HMGB4: variants seen among roughly 807,000 people sequenced by gnomAD.
HMGB4 encodes the protein high mobility group box 4.
For synonymous variants in HMGB4, 82 were observed against 84.9 expected (o/e 0.97, Z 0.19); for missense variants, 217 against 220.4 (o/e 0.98, Z 0.10).
At chr1:33,863,145 G>C (rs374202941), upstream of HMGB4, 7 of 152,038 alleles carry the variant, frequency 4.6e-5, no homozygotes, top group African/African-American at 1.7e-4. Flanking sequence ...ATAAATTTGG[G>C]GCTATCATCA....
Position 33,864,566 on chromosome 1 carries a change from G to A in HMGB4, c.375G>A (p.Lys125=). ...ACTGGTCGGTGGTGCAGGTGGCCAA[G>A]GCCACAGGGAAGATGTGGTCAACAG... ...NPNWSVVQVA[K]ATGKMWSTAT... is the part of the protein sequence containing the mutation. Residue 125 remains lysine, a synonymous_variant, in exon 1 of 1, where the codon AAG becomes AAA. Transcript: ENST00000681531. 1 of 1,614,054 alleles carries A rather than the reference G, an allele frequency of 6.2e-7. No individual in the cohort carries two copies. The highest frequency in any genetic ancestry group is 1.3e-5 in the African/African-American group (1 of 75,048).
In HMGB4 at chr1:33,864,488, C is replaced by A. The variant is rs773993387; in HGVS notation, c.297C>A (p.Ser99=). Residue 99 remains serine, a synonymous_variant, in exon 1 of 1, where the codon TCC becomes TCA. Coordinates refer to ENST00000681531, the MANE Select transcript of HMGB4 (RefSeq NM_001379301.1). ...DPQEPRRPPS[S]FLLFCQDHYA... ...AGGAACCCAGACGGCCTCCATCATC[C>A]TTCCTACTCTTCTGCCAAGACCACT... The A allele has an allele frequency of 6.2e-7, 1 of 1,613,510 alleles. No homozygotes were observed. Among genetic ancestry groups the A allele is most frequent in the African/African-American group, 1.3e-5 (1 of 74,930 alleles).
upstream of HMGB4, chr1:33,860,947 A>T (rs1384426682): frequency 6.6e-6 from 1 of 152,214 alleles, no homozygotes; most frequent in East Asian, 1.9e-4. Context: ...ACTACAACAG[A>T]GTAGAAAATA....
At chr1:33,861,786 G>A (rs553718964), upstream of HMGB4, among the ~76,000 whole-genome samples, 1 of 152,294 alleles carries the variant, frequency 6.6e-6, no homozygotes, top group Admixed American at 6.5e-5. Flanking sequence ...GATAAAGAAA[G>A]GGGGCAATGC....
upstream of HMGB4, chr1:33,861,183 T>C (rs148252650): frequency 1.6e-4 from 25 of 152,346 alleles, no homozygotes; most frequent in African/African-American, 5.5e-4. Flanking sequence ...AGTCATGATG[T>C]AAAATGTATT....
chr1:33,860,534 A>G (rs147791306), upstream of HMGB4: 161 of 152,226 alleles, frequency 1.1e-3, 1 homozygote, highest in African/African-American at 3.8e-3. Context: ...TCCATGTTCT[A>G]TTCATTAGTA....
upstream of HMGB4, chr1:33,862,315 G>C (rs1400688840): frequency 1.4e-5 from 2 of 145,588 alleles, no homozygotes; most frequent in Admixed American, 7.2e-5. Context: ...GAGAGGGATG[G>C]AAGGTTAAGA....
upstream of HMGB4, chr1:33,862,349 GTGTGTGTGT>G (rs1295273873): frequency 9.4e-6 from 1 of 106,006 alleles, no homozygotes; most frequent in African/African-American, 8.2e-5. Flanking sequence ...TACTCTGTGT[GTGTGTGTGT>G]GTGTGTGTGT....
chr1:33,864,488 C>T lies in HMGB4; in HGVS notation c.297C>T (p.Ser99=). Reference sequence around the variant, plus strand: ...AGGAACCCAGACGGCCTCCATCATCCTTCCTACTCTTCTGCCAAGACCACT... The same window carrying T: ...AGGAACCCAGACGGCCTCCATCATCTTTCCTACTCTTCTGCCAAGACCACT... ...DPQEPRRPPS[S]FLLFCQDHYA... The change falls in exon 1 of 1, where the codon TCC becomes TCT. Residue 99 remains serine, a synonymous_variant. Coordinates refer to ENST00000681531, the MANE Select transcript of HMGB4 (RefSeq NM_001379301.1). The T allele has an allele frequency of 6.2e-7, 1 of 1,613,628 alleles. No individual in the cohort carries two copies. The highest frequency in any genetic ancestry group is 8.5e-7 in the Non-Finnish European group (1 of 1,179,564).
In HMGB4 at chr1:33,864,548, G is replaced by A. The variant is rs529868623; in HGVS notation, c.357G>A (p.Ser119=). The part of the protein sequence containing the change: ...AQLKRENPNW[S]VVQVAKATGK... ...TGAAGAGGGAGAACCCGAACTGGTC[G>A]GTGGTGCAGGTGGCCAAGGCCACAG... Residue 119 remains serine (S), a synonymous_variant, in exon 1 of 1, where the codon TCG becomes TCA. Transcript: ENST00000681531. 87 of 1,614,072 alleles carry A rather than the reference G, an allele frequency of 5.4e-5. No individual in the cohort carries two copies. The highest frequency in any genetic ancestry group is 1.5e-4 in the African/African-American group (11 of 75,052).
rs557402837 is a variant in HMGB4 at position 33,864,399 on chromosome 1, C to T, written c.208C>T (p.Arg70Ter). The stretch of plus-strand genomic sequence containing the variant: ...AGCCCTGGCCAAACTCGACAAAGCC[C>T]GATACCAGGAAGAAATGATGAATTA... ...YEALAKLDKARYQEEMMNYVG... is the reference protein window; with the variant it reads ...YEALAKLDKA The change falls in exon 1 of 1, where the codon CGA becomes TGA. Residue 70 changes from arginine to a stop codon, truncating the protein, a stop_gained. Transcript: ENST00000681531. LOFTEE classifies it low-confidence loss of function (END_TRUNC). 35 of 1,614,020 alleles carry T rather than the reference C, an allele frequency of 2.2e-5. No homozygotes were observed. Among genetic ancestry groups the T allele is most frequent in the African/African-American group, 8.0e-5 (6 of 75,016 alleles).
In HMGB4 at chr1:33,864,780, C is replaced by T; in HGVS notation, c.*28C>T. 1 of 1,557,152 alleles carries T rather than the reference C, an allele frequency of 6.4e-7. No individual in the cohort carries two copies. Among genetic ancestry groups the T allele is most frequent in the Non-Finnish European group, 8.7e-7 (1 of 1,146,870 alleles). On this transcript the variant is annotated 3_prime_UTR_variant, in exon 1 of 1. Transcript: ENST00000681531. ...GATCCAGTTTGAAAAAACAAAATGC[C>T]ATTCAACCGTATTTCCTGTTCCTGG... is the stretch of plus-strand genomic sequence containing the variant.
rs765467672 is a variant in HMGB4, at chr1:33,864,435, A to G, written c.244A>G (p.Arg82Gly). The G allele has an allele frequency of 6.2e-7, 1 of 1,614,148 alleles. No homozygotes were observed. Among genetic ancestry groups the G allele is most frequent in the Non-Finnish European group, 8.5e-7 (1 of 1,180,032 alleles). ...AGAAATGATGAATTATGTTGGCAAGAGGAAGAAACGGAGAAAGCGGGATCC... is the reference window on the plus strand; with the variant it reads ...AGAAATGATGAATTATGTTGGCAAGGGGAAGAAACGGAGAAAGCGGGATCC... ...QEEMMNYVGK[R>G]KKRRKRDPQE... is the part of the protein sequence containing the mutation. The change falls in exon 1 of 1, where the codon AGG (arginine) becomes GGG (glycine). Residue 82 changes from arginine (R) to glycine (G), a missense_variant. By Grantham distance (125) the Arg-to-Gly change is moderately radical. Coordinates refer to ENST00000681531, the MANE Select transcript of HMGB4 (RefSeq NM_001379301.1).
At chr1:33,863,158 C>T (rs992499062), upstream of HMGB4, 7 of 152,314 alleles carry the variant, frequency 4.6e-5, no homozygotes, top group African/African-American at 1.4e-4. Context: ...TATCATCAAC[C>T]ATTAAGTGAT....
Position 33,864,187 on chromosome 1 carries a change from C to T in HMGB4, c.-5C>T, listed in dbSNP as rs774843525. The T allele has an allele frequency of 1.6e-5, 25 of 1,588,304 alleles. No individual in the cohort carries two copies. Among genetic ancestry groups the T allele is most frequent in the East Asian group, 1.6e-4 (7 of 44,766 alleles). ...TGAATCCAGAAAAAAGGTGAACTTA[C>T]GAACATGGGAAAAGAAATCCAGCTA... On this transcript the variant is annotated 5_prime_UTR_variant, in exon 1 of 1. The change creates a new upstream start codon in the 5' untranslated region. Coordinates refer to ENST00000681531, the MANE Select transcript of HMGB4 (RefSeq NM_001379301.1).
At chr1:33,863,583 A>C (rs1173235263), upstream of HMGB4, 1 of 152,272 alleles carries the variant, frequency 6.6e-6, no homozygotes, top group Admixed American at 6.5e-5. Context: ...ATACCTGATT[A>C]CTTTTAGAGT....
chr1:33,864,511 A>G lies in HMGB4; in HGVS notation c.320A>G (p.His107Arg), dbSNP rs775449938. Residue 107 changes from histidine to arginine, a missense_variant, in exon 1 of 1, where the codon CAC (histidine) becomes CGC (arginine). By Grantham distance (29) the His-to-Arg change is conservative. Coordinates refer to ENST00000681531, the MANE Select transcript of HMGB4 (RefSeq NM_001379301.1). ...TCCTTCCTACTCTTCTGCCAAGACC[A>G]CTATGCTCAGCTGAAGAGGGAGAAC... ...PSSFLLFCQD[H>R]YAQLKRENPN... 5 of 1,613,914 alleles carry G rather than the reference A, an allele frequency of 3.1e-6. No homozygotes were observed. The African/African-American group carries it at 4.0e-5, about 13-fold the overall frequency.
chr1:33,863,351 A>G (rs1006734928), upstream of HMGB4: 8 of 152,204 alleles, frequency 5.3e-5, no homozygotes, highest in African/African-American at 1.4e-4. Context: ...TCTAAACCTA[A>G]GAAATGGGGA....
upstream of HMGB4, chr1:33,860,482 G>A (rs1380748882): frequency 1.3e-5 from 2 of 152,136 alleles, no homozygotes; most frequent in African/African-American, 2.4e-5. Flanking sequence ...TTAAAGTGGT[G>A]TCTGCCAGAT....
Sources: gnomAD v4.1 joint callset for allele counts (sites outside exome capture counted in the v4.1 genomes callset) on GRCh38, gnomAD v4.1.1 for gene constraint, MANE v1.5 for transcripts, NCBI Gene and HGNC (gene_info 2026-07-23, HGNC 2026-07-21) for gene names.